The following RNF213 variants were observed in gnomAD, a reference collection of about 807,000 sequenced individuals.
RNF213 encodes the protein E3 ubiquitin-protein ligase RNF213.
In RNF213, 341 loss-of-function variants were observed where a neutral mutation model predicts 514.4. The observed-to-expected ratio is 0.66, with a 90% CI of 0.61 to 0.73. RNF213 has a LOEUF of 0.73. RNF213 is among the 30% of genes least tolerant of loss of function. The probability of loss-of-function intolerance (pLI) is 0.00; values close to 1 mark genes in which losing one functional copy is unlikely to be tolerated. For missense variants in RNF213, 5,767 were observed against 6,615.6 expected (o/e 0.87, Z 4.45); for synonymous variants, 2,655 against 2,658.2 (o/e 1.00, Z 0.04).
At chr17:80,283,299 T>C (rs2044361603) in intron 3 of RNF213, among the ~76,000 whole-genome samples, 1 of 151,390 alleles carries the variant, frequency 6.6e-6, no homozygotes, top group South Asian at 2.1e-4. Context: ...GCTGAGGGGG[T>C]GAGCCTGGGG....
In RNF213 at chr17:80,398,347, T is replaced by A. The variant is rs1418616455; in HGVS notation, c.*4849T>A. The A allele has an allele frequency of 6.6e-6, 1 of 152,098 alleles. No individual in the cohort carries two copies. The highest frequency in any genetic ancestry group is 1.9e-4 in the East Asian group (1 of 5,190). The allele number at this position is 152,098 out of a possible 1,614,324, so 9.4% of individuals were successfully genotyped here. A position where few individuals can be genotyped will look rare whatever the true frequency, so the allele number is the denominator to read the frequency against. On this transcript the variant is annotated 3_prime_UTR_variant, in exon 68 of 68. Transcript: ENST00000582970. ...GAAGAAGCATGGGTCAAGCACAAAGTAAGACCACCCCACTAGGAACTATGC... is the reference window on the plus strand; with the variant it reads ...GAAGAAGCATGGGTCAAGCACAAAGAAAGACCACCCCACTAGGAACTATGC...
chr17:80,312,985 C>G, intron 14 of RNF213, 27 bp from the exon 15 acceptor site: 2 of 1,613,478 alleles, frequency 1.2e-6, no homozygotes, highest in Non-Finnish European at 1.7e-6. Context: ...CCGAGGATGA[C>G]TGACCCTCCC....
chr17:80,359,092 G>A (rs565491233), intron 37 of RNF213, among the ~76,000 whole-genome samples: 8 of 152,100 alleles, frequency 5.3e-5, no homozygotes, highest in African/African-American at 1.2e-4. Context: ...CTCCCTCCCC[G>A]TCCCTCATTC....
chr17:80,380,384 G>A (rs1056169421), intron 55 of RNF213, among the ~76,000 whole-genome samples: 8 of 152,202 alleles, frequency 5.3e-5, no homozygotes, highest in Non-Finnish European at 1.5e-5. Flanking sequence ...TTGCCACTGA[G>A]AGCATCGGCC....
chr17:80,360,085 C>A lies in RNF213; in HGVS notation c.11079C>A (p.Ile3693=), dbSNP rs187312452. 1.2e-6 allele frequency: 2 copies of A among 1,614,166 alleles called. No homozygotes were observed. The highest frequency in any genetic ancestry group is 3.3e-5 in the Admixed American group (2 of 60,028). ...NERHKGEMAY[I]VVQNHMNLSE... is the part of the protein sequence containing the mutation. The stretch of plus-strand genomic sequence containing the variant: ...GACATAAAGGTGAGATGGCCTACAT[C>A]GTGGTGCAGAACCACATGAACCTTT... Residue 3693 remains isoleucine (I), a synonymous_variant, in exon 38 of 68, where the codon ATC becomes ATA. Coordinates refer to ENST00000582970, the MANE Select transcript of RNF213 (RefSeq NM_001256071.3).
Position 80,343,941 on chromosome 17 carries a change from A to G in RNF213, c.6268A>G (p.Asn2090Asp). 1 of 1,614,178 alleles carries G rather than the reference A, an allele frequency of 6.2e-7. No individual in the cohort carries two copies. Residue 2090 changes from asparagine to aspartate, a missense_variant, in exon 28 of 68, where the codon AAC (asparagine) becomes GAC (aspartate). Coordinates refer to ENST00000582970, the MANE Select transcript of RNF213 (RefSeq NM_001256071.3). This position sits in a 1 kb window ranked among gnomAD's most constrained non-coding sequence, Gnocchi z 4.3. ...TATAAATGGGAAAATGTGGCTTCGG[A>G]ACCCCTGCCATTTGTATATCGTTGA... ...MDINGKMWLR[N>D]PCHLYIVEIL...
intron 14 of RNF213, among the ~76,000 whole-genome samples, chr17:80,312,240 A>G (rs2045596030): frequency 6.6e-6 from 1 of 152,140 alleles, no homozygotes; most frequent in African/African-American, 2.4e-5. Context: ...GCTTCCTGGG[A>G]AATGTGCTTC....
chr17:80,372,777 C>T lies in RNF213; in HGVS notation c.12751+43C>T, dbSNP rs560008176. The stretch of plus-strand genomic sequence containing the variant: ...TGCTTTCCTTTGGGTTTAAAGACTC[C>T]GTTATTTAGAAATTCAGGAAGTATG... On this transcript the variant is annotated intron_variant, in intron 48 of 67. Coordinates refer to ENST00000582970, the MANE Select transcript of RNF213 (RefSeq NM_001256071.3). The T allele has an allele frequency of 4.7e-5, 75 of 1,581,926 alleles. No individual in the cohort carries two copies. The South Asian group carries it at 5.6e-4, about 12-fold the overall frequency.
Position 80,386,670 on chromosome 17 carries a change from GCT to G in RNF213, c.14721-19_14721-18del. 6.2e-7 allele frequency: 1 copy of G among 1,613,260 alleles called. No individual in the cohort carries two copies. The highest frequency in any genetic ancestry group is 8.5e-7 in the Non-Finnish European group (1 of 1,179,204). On this transcript the variant is annotated intron_variant, in intron 62 of 67. Transcript: ENST00000582970. ...CGCATGCCTGGCCTGGACGCTGAGC[GCT>G]GTCTTTCTGCCCCTCAGCTATTCCG...
At chr17:80,290,496 T>TGC (rs1443441526) in intron 6 of RNF213, 74 bp from the exon 7 acceptor site, 4 of 1,568,936 alleles carry the variant, frequency 2.5e-6, no homozygotes, top group African/African-American at 2.7e-5. Flanking sequence ...CGTGTGTGTG[T>TGC]GCGCGTGTGT....
In RNF213 at chr17:80,371,857, T is replaced by C; in HGVS notation, c.12426-17T>C. ...CCAGATCTGAGAGAACCAGGAATAA[T>C]ATTTCTCTTTCTGCAGCTTTCATGA... On this transcript the variant is annotated splice_polypyrimidine_tract_variant and intron_variant, in intron 46 of 67. Transcript: ENST00000582970. 8.0e-7 allele frequency: 1 copy of C among 1,252,830 alleles called. No individual in the cohort carries two copies. Among genetic ancestry groups the C allele is most frequent in the South Asian group, 1.2e-5 (1 of 82,892 alleles). The allele number at this position is 1,252,830 out of a possible 1,614,324, so 77.6% of individuals were successfully genotyped here.
At chr17:80,304,707 T>A (rs1286692477) in intron 11 of RNF213, among the ~76,000 whole-genome samples, 2 of 152,134 alleles carry the variant, frequency 1.3e-5, no homozygotes, top group East Asian at 3.8e-4. Context: ...ATATCCCTTT[T>A]ATTGTAAAAT....
chr17:80,367,630 C>A, intron 42 of RNF213, 118 bp from the exon 43 acceptor site: 1 of 758,690 alleles, frequency 1.3e-6, no homozygotes, highest in East Asian at 2.6e-5. Flanking sequence ...GCCTCGCACC[C>A]CACACCCCAC....
chr17:80,388,779 G>C, intron 64 of RNF213, 90 bp downstream of exon 64: 2 of 1,051,050 alleles, frequency 1.9e-6, no homozygotes, highest in Non-Finnish European at 3.0e-6. Flanking sequence ...GCCTTGCCCC[G>C]GGTGTTTGCT....
intron 11 of RNF213, among the ~76,000 whole-genome samples, chr17:80,302,344 A>G (rs1415807104): frequency 2.0e-5 from 3 of 152,206 alleles, no homozygotes; most frequent in Admixed American, 6.5e-5. Flanking sequence ...ATTTGTACAC[A>G]TTATACACTG....
intron 25 of RNF213, among the ~76,000 whole-genome samples, 194 bp downstream of exon 25, chr17:80,338,191 G>T (rs1599053275): frequency 6.6e-6 from 1 of 152,272 alleles, no homozygotes; most frequent in East Asian, 1.9e-4. Flanking sequence ...CCCCAGAGAG[G>T]TCTTAAGGCA....
chr17:80,290,364 CGT>C lies in RNF213; in HGVS notation c.1113-200_1113-199del, dbSNP rs550706352. On this transcript the variant is annotated intron_variant, in intron 6 of 67. Transcript: ENST00000582970. ...GTGTGTGCGTGTGCATGTATGTGTGCGTGTGTGAGTGCGTGCACGTGTGTGCG... is the reference window on the plus strand; with the variant it reads ...GTGTGTGCGTGTGCATGTATGTGTGCGTGTGAGTGCGTGCACGTGTGTGCG... 1.7e-4 allele frequency among the ~76,000 whole-genome samples: 25 copies of C among 150,378 alleles called. No homozygotes were observed. In the East Asian group the frequency reaches 2.7e-3, roughly 17 times the overall value.
chr17:80,260,963 G>A (rs941923135), intron 1 of RNF213, 61 bp downstream of exon 1: 4 of 150,572 alleles, frequency 2.7e-5, no homozygotes, highest in Admixed American at 6.6e-5. Flanking sequence ...AGTGGGCCCC[G>A]CGGGCCGGCG....
intron 9 of RNF213, 102 bp from the exon 10 acceptor site, chr17:80,295,455 G>A (rs1242568984): frequency 3.4e-6 from 5 of 1,461,424 alleles, no homozygotes; most frequent in Non-Finnish European, 3.8e-6. Flanking sequence ...GGTGGGGCAC[G>A]GATGGGGTCT....
Sources: gnomAD v4.1 joint callset for allele counts (sites outside exome capture counted in the v4.1 genomes callset) on GRCh38, gnomAD v4.1.1 for gene constraint, Gnocchi (gnomAD v3.1) non-coding constraint, MANE v1.5 for transcripts, NCBI Gene and HGNC (gene_info 2026-07-23, HGNC 2026-07-21) for gene names.